The following SPINK5 variants were observed in gnomAD, a reference collection of about 807,000 sequenced individuals.
The protein encoded by SPINK5 is serine peptidase inhibitor Kazal type 5.
A neutral mutation model predicts 151.8 loss-of-function variants in SPINK5; 125 were observed. The observed-to-expected ratio is 0.82, with a 90% CI of 0.71 to 0.96. The LOEUF is 0.96. Ranked by LOEUF, SPINK5 falls within the 40% of genes least tolerant of loss-of-function variation. The pLI, the probability that SPINK5 is intolerant of heterozygous loss-of-function variation, is 0.00. For missense variants in SPINK5, 1,194 were observed against 1,291.9 expected (o/e 0.92, Z 1.16); for synonymous variants, 374 against 395.3 (o/e 0.95, Z 0.64).
chr5:148,115,655 C>T (rs913882530), intron 21 of SPINK5, among the ~76,000 whole-genome samples: 5 of 151,964 alleles, frequency 3.3e-5, no homozygotes, highest in Non-Finnish European at 4.4e-5. Flanking sequence ...GATGATTCCA[C>T]TGTTTTGTGT....
At chr5:148,065,158 A>C (rs1752545226) in intron 1 of SPINK5, among the ~76,000 whole-genome samples, 189 bp from the exon 2 acceptor site, 1 of 152,182 alleles carries the variant, frequency 6.6e-6, no homozygotes, top group Admixed American at 6.5e-5. Flanking sequence ...GTGAGTATAT[A>C]TACTAATCTC....
chr5:148,108,794 A>C lies in SPINK5; in HGVS notation c.1649A>C (p.Lys550Thr). ...EEEKKNDKEE[K>T]GKVEAEKVKR... ...GAGAAGAAAAATGATAAAGAAGAAA[A>C]AGGGAAAGTCGAGGCTGAAAAAGTT... Residue 550 changes from lysine to threonine, a missense_variant, in exon 18 of 33, where the codon AAA becomes ACA. Lys to Thr is a moderately conservative substitution (Grantham distance 78). Coordinates refer to ENST00000256084, the MANE Select transcript of SPINK5 (RefSeq NM_006846.4). The C allele has an allele frequency of 6.2e-7, 1 of 1,612,406 alleles. No individual in the cohort carries two copies. The highest frequency in any genetic ancestry group is 8.5e-7 in the Non-Finnish European group (1 of 1,178,828).
chr5:148,103,588 A>G (rs1163291655), intron 15 of SPINK5, among the ~76,000 whole-genome samples: 1 of 152,200 alleles, frequency 6.6e-6, no homozygotes, highest in Non-Finnish European at 1.5e-5. Flanking sequence ...ATCGGTTTTC[A>G]TATAAAGATG....
intron 12 of SPINK5, among the ~76,000 whole-genome samples, chr5:148,099,973 T>G (rs1045245440): frequency 7.2e-5 from 11 of 152,146 alleles, no homozygotes; most frequent in African/African-American, 2.7e-4. Flanking sequence ...ATTCAGAAAA[T>G]CATGCTCTGC....
chr5:148,074,267 T>A (rs1286691000), intron 4 of SPINK5, among the ~76,000 whole-genome samples: 1 of 151,798 alleles, frequency 6.6e-6, no homozygotes, highest in African/African-American at 2.4e-5. Context: ...ATGTCATCCT[T>A]TCATTTCCCG....
intron 15 of SPINK5, among the ~76,000 whole-genome samples, chr5:148,102,958 C>T (rs1003247002): frequency 6.6e-6 from 1 of 152,008 alleles, no homozygotes; most frequent in African/African-American, 2.4e-5. Context: ...CCTTCAAAAA[C>T]GTGACTAGGC....
Position 148,064,090 on chromosome 5 carries a change from C to G in SPINK5, c.46C>G (p.Leu16Val), listed in dbSNP as rs370369039. Residue 16 changes from leucine (L) to valine (V), a missense_variant, in exon 1 of 33, where the codon CTC (leucine) becomes GTC (valine). Coordinates refer to ENST00000256084, the MANE Select transcript of SPINK5 (RefSeq NM_006846.4). ...AGTGCTTCTGCCCTTGGCTCTTTGC[C>G]TCATACAAGGTGAGCAATTTGTGTG... ...VSVLLPLALC[L>V]IQDAASKNED... is the part of the protein sequence containing the mutation. 1 of 1,614,136 alleles carries G rather than the reference C, an allele frequency of 6.2e-7. No homozygotes were observed.
At chr5:148,088,506 T>C (rs1753219541) in intron 5 of SPINK5, 36 bp from the exon 6 acceptor site, 6 of 1,593,408 alleles carry the variant, frequency 3.8e-6, no homozygotes, top group East Asian at 2.2e-5. Flanking sequence ...AGTTCTGTGA[T>C]ATTAAACTGC....
chr5:148,129,318 CT>C (rs1198469821), intron 30 of SPINK5, among the ~76,000 whole-genome samples: 1 of 152,092 alleles, frequency 6.6e-6, no homozygotes, highest in Non-Finnish European at 1.5e-5. Context: ...ATAACTTTGC[CT>C]GATACCTATT....
rs1435245044 is a variant in SPINK5 at position 148,125,981 on chromosome 5, T to C, written c.2867+131T>C. On this transcript the variant is annotated intron_variant, in intron 29 of 32. Coordinates refer to ENST00000256084, the MANE Select transcript of SPINK5 (RefSeq NM_006846.4). ...AAATAAGTCTTTAGAATTAAAGCCC[T>C]CAAATTGAGAACACCTGATATAGTA... The C allele has an allele frequency of 9.4e-6, 13 of 1,381,014 alleles. No individual in the cohort carries two copies. The East Asian group carries it at 3.0e-4, about 32-fold the overall frequency. 85.5% of individuals were successfully genotyped at this position (1,381,014 alleles called of 1,614,324 possible).
chr5:148,086,736 T>C (rs1381815364), intron 5 of SPINK5, among the ~76,000 whole-genome samples: 1 of 151,718 alleles, frequency 6.6e-6, no homozygotes, highest in African/African-American at 2.4e-5. Context: ...AGCACTTTTA[T>C]GTATGATTTA....
chr5:148,129,474 T>G (rs1054429178), intron 30 of SPINK5, among the ~76,000 whole-genome samples: 12 of 149,320 alleles, frequency 8.0e-5, no homozygotes, highest in African/African-American at 2.9e-4. Context: ...GAAGGTGGAG[T>G]CAACAGAATT....
chr5:148,068,658 A>C (rs1421308644), intron 2 of SPINK5, among the ~76,000 whole-genome samples: 1 of 151,818 alleles, frequency 6.6e-6, no homozygotes, highest in East Asian at 1.9e-4. Context: ...ACCTTTAATA[A>C]ATTTTTTGGA....
At position 148,137,068 on chromosome 5, in the gene SPINK5, C is replaced by A; in HGVS notation, c.*77C>A. 6.4e-7 allele frequency: 1 copy of A among 1,566,454 alleles called. No individual in the cohort carries two copies. The highest frequency in any genetic ancestry group is 8.8e-7 in the Non-Finnish European group (1 of 1,137,428). On this transcript the variant is annotated 3_prime_UTR_variant, in exon 33 of 33. Coordinates refer to ENST00000256084, the MANE Select transcript of SPINK5 (RefSeq NM_006846.4). The stretch of plus-strand genomic sequence containing the variant: ...CACCTACCTTCACCATCTGTATATA[C>A]AAAGAATTCTTCGGAGCTTGTCTTA...
Position 148,101,893 on chromosome 5 carries a change from T to C in SPINK5, c.1415T>C (p.Met472Thr), listed in dbSNP as rs762735202. 7 of 1,613,504 alleles carry C rather than the reference T, an allele frequency of 4.3e-6. No individual in the cohort carries two copies. Among genetic ancestry groups the C allele is most frequent in the Non-Finnish European group, 5.1e-6 (6 of 1,179,626 alleles). ...AAAATGCATGGCAACACCTGCTCCA[T>C]GTGTGAGGCCTTCTTGTGAGTAGAG... is the stretch of plus-strand genomic sequence containing the variant. ...DGKMHGNTCS[M>T]CEAFFQQEER... The change falls in exon 15 of 33, where the codon ATG becomes ACG. Residue 472 changes from methionine (M) to threonine (T), a missense_variant. Met to Thr is a moderately conservative substitution (Grantham distance 81). Transcript: ENST00000256084.
Position 148,120,311 on chromosome 5 carries a change from G to GAA in SPINK5, c.2467_2468dup (p.Lys824ArgfsTer101). On this transcript the variant is annotated frameshift_variant, in exon 26 of 33. Transcript: ENST00000256084. LOFTEE classifies it high-confidence loss of function. ...TCCCCCCAGGGAAAGGGAAGCAGCT[G>GAA]AAAAAAAAAAGAAAGAGGATGAAGA... is the stretch of plus-strand genomic sequence containing the variant. 6.5e-7 allele frequency: 1 copy of GAA among 1,533,106 alleles called. No homozygotes were observed. The highest frequency in any genetic ancestry group is 1.4e-5 in the African/African-American group (1 of 71,212). The allele number at this position is 1,533,106 out of a possible 1,614,324, so 95.0% of individuals were successfully genotyped here.
chr5:148,101,968 A>G, intron 15 of SPINK5, 60 bp downstream of exon 15: 1 of 1,610,200 alleles, frequency 6.2e-7, no homozygotes, highest in South Asian at 1.1e-5. Flanking sequence ...TTCCATGGGA[A>G]GTTTTCAAAC....
chr5:148,124,749 TTTA>T lies in SPINK5; in HGVS notation c.2667-15_2667-13del. The T allele has an allele frequency of 2.6e-6, 4 of 1,551,384 alleles. No homozygotes were observed. The highest frequency in any genetic ancestry group is 3.5e-6 in the Non-Finnish European group (4 of 1,151,398). On this transcript the variant is annotated splice_polypyrimidine_tract_variant and intron_variant, in intron 27 of 32. Coordinates refer to ENST00000256084, the MANE Select transcript of SPINK5 (RefSeq NM_006846.4). ...CTTGAAAAATTACCCTATCTTTTTT[TTTA>T]ATTATTCTGCAGTGATCGAGAAGCT...
At chr5:148,122,278 A>G (rs929744365) in intron 26 of SPINK5, among the ~76,000 whole-genome samples, 1 of 152,146 alleles carries the variant, frequency 6.6e-6, no homozygotes, top group African/African-American at 2.4e-5. Context: ...GGAAAAGAAA[A>G]TACTTCCAGT....
Sources: allele counts gnomAD v4.1 joint callset (sites outside exome capture counted in the v4.1 genomes callset), GRCh38; gene constraint gnomAD v4.1.1; transcripts MANE v1.5; gene names NCBI Gene and HGNC (gene_info 2026-07-23, HGNC 2026-07-21).